The following FSHB variants were observed in gnomAD, a reference collection of about 807,000 sequenced individuals.
FSHB encodes the protein follitropin subunit beta.
Under a neutral mutation model 12.1 loss-of-function variants are expected in FSHB, and 8 were observed. The ratio of observed to expected loss-of-function variants is 0.66; its 90% CI spans 0.39 to 1.19. FSHB has a LOEUF of 1.19. Ranked by LOEUF, FSHB falls within the 50% of genes most tolerant of loss-of-function variation. The probability of loss-of-function intolerance (pLI) is 0.01; values close to 1 mark genes in which losing one functional copy is unlikely to be tolerated. For missense variants in FSHB, 153 were observed against 157.2 expected (o/e 0.97, Z 0.14); for synonymous variants, 55 against 54.6 (o/e 1.01, Z -0.04).
chr11:30,231,937 G>A lies in FSHB; in HGVS notation c.35G>A (p.Cys12Tyr). The A allele has an allele frequency of 6.2e-7, 1 of 1,613,872 alleles. No individual in the cohort carries two copies. The highest frequency in any genetic ancestry group is 8.5e-7 in the Non-Finnish European group (1 of 1,179,852). ...CTCCAGTTTTTCTTCCTTTTCTGTT[G>A]CTGGAAAGCAATCTGCTGCAATAGC... ...KTLQFFFLFCCWKAICCNSCE... is the reference protein window; with the variant it reads ...KTLQFFFLFCYWKAICCNSCE... The change falls in exon 2 of 3, where the codon TGC becomes TAC. Residue 12 changes from cysteine to tyrosine, a missense_variant. By Grantham distance (194) the Cys-to-Tyr change is radical. Coordinates refer to ENST00000533718, the MANE Select transcript of FSHB (RefSeq NM_001382289.1).
chr11:30,233,085 A>C (rs1467309442), intron 2 of FSHB, among the ~76,000 whole-genome samples: 2 of 152,200 alleles, frequency 1.3e-5, no homozygotes, highest in East Asian at 3.8e-4. Context: ...AGGAGTTGGA[A>C]TATTTAAAAT....
At position 30,233,538 on chromosome 11, in the gene FSHB, C is replaced by G. The variant is rs1852035909; in HGVS notation, c.160-32C>G. The stretch of plus-strand genomic sequence containing the variant: ...AAGCTAAATAGGAACTTCCACAATA[C>G]CATAACCTAACTCTCTTCTTAAACT... On this transcript the variant is annotated intron_variant, in intron 2 of 2. Transcript: ENST00000533718. 19 of 1,549,936 alleles carry G rather than the reference C, an allele frequency of 1.2e-5. No homozygotes were observed. In the South Asian group the frequency reaches 1.6e-4, roughly 13 times the overall value.
At chr11:30,232,757 A>C (rs535303187) in intron 2 of FSHB, among the ~76,000 whole-genome samples, 30 of 152,350 alleles carry the variant, frequency 2.0e-4, no homozygotes, top group Admixed American at 7.8e-4. Context: ...TTATCTATGC[A>C]GAATTTCATT....
intron 2 of FSHB, among the ~76,000 whole-genome samples, chr11:30,232,731 T>C (rs984826983): frequency 2.6e-5 from 4 of 152,226 alleles, no homozygotes; most frequent in African/African-American, 9.6e-5. Flanking sequence ...TTCTTTTTTC[T>C]CTGCAGCACC....
rs1852041732 is a variant in FSHB, at chr11:30,233,751, T to G, written c.341T>G (p.Val114Gly). Residue 114 changes from valine (V) to glycine (G), a missense_variant, in exon 3 of 3, where the codon GTG becomes GGG. Transcript: ENST00000533718. ...GACAGCGACAGCACTGATTGTACTG[T>G]GCGAGGCCTGGGGCCCAGCTACTGC... ...KCDSDSTDCT[V>G]RGLGPSYCSF... The G allele has an allele frequency of 6.2e-7, 1 of 1,614,038 alleles. No individual in the cohort carries two copies. Among genetic ancestry groups the G allele is most frequent in the Non-Finnish European group, 8.5e-7 (1 of 1,179,934 alleles).
intron 2 of FSHB, 52 bp from the exon 3 acceptor site, chr11:30,233,517 TA>T: frequency 7.0e-7 from 1 of 1,425,888 alleles, no homozygotes; most frequent in Non-Finnish European, 9.9e-7. Context: ...TTGACTAAGC[TA>T]AATAGGAACT....
At chr11:30,233,372 A>G (rs1852033914) in intron 2 of FSHB, among the ~76,000 whole-genome samples, 198 bp from the exon 3 acceptor site, 1 of 152,226 alleles carries the variant, frequency 6.6e-6, no homozygotes. Flanking sequence ...CATAGGAAGT[A>G]AGAAAAGAAA....
Position 30,233,868 on chromosome 11 carries a change from G to T in FSHB, c.*68G>T, listed in dbSNP as rs780936807. The T allele has an allele frequency of 7.7e-7, 1 of 1,305,578 alleles. No individual in the cohort carries two copies. 80.9% of individuals were successfully genotyped at this position (1,305,578 alleles called of 1,614,324 possible). On this transcript the variant is annotated 3_prime_UTR_variant, in exon 3 of 3. Coordinates refer to ENST00000533718, the MANE Select transcript of FSHB (RefSeq NM_001382289.1). The stretch of plus-strand genomic sequence containing the variant: ...ACCAAGATATTCAAAAAGTCTGTGT[G>T]TGTGCAATGTGCCCAGGGGACAAAC...
rs545673132 is a variant in FSHB, at chr11:30,231,517, T to C, written c.-37-349T>C. ...TCAAGAAAAGAAAAGAATTTTATTT[T>C]TCTTTTCAGACAAAAATAGACTTTA... On this transcript the variant is annotated intron_variant, in intron 1 of 2. Coordinates refer to ENST00000533718, the MANE Select transcript of FSHB (RefSeq NM_001382289.1). 1.7e-4 allele frequency among the ~76,000 whole-genome samples: 26 copies of C among 152,248 alleles called. No homozygotes were observed. In the East Asian group the frequency reaches 4.1e-3, roughly 24 times the overall value.
intron 2 of FSHB, among the ~76,000 whole-genome samples, chr11:30,232,305 A>T (rs532156698): frequency 2.7e-4 from 41 of 152,306 alleles, no homozygotes; most frequent in African/African-American, 9.1e-4. Flanking sequence ...TACTAGTCCA[A>T]CTTTGCATCT....
intron 1 of FSHB, 113 bp from the exon 2 acceptor site, chr11:30,231,753 C>A: frequency 1.3e-6 from 1 of 759,206 alleles, no homozygotes; most frequent in Non-Finnish European, 2.2e-6. Context: ...AGTAAAAAGG[C>A]ATAAGGAAGG....
At chr11:30,232,160 A>C (rs1590622435) in intron 2 of FSHB, 99 bp downstream of exon 2, 1 of 1,257,382 alleles carries the variant, frequency 8.0e-7, no homozygotes. Context: ...ATTCTAAGTA[A>C]CAGCCATGAG....
intron 1 of FSHB, among the ~76,000 whole-genome samples, 185 bp from the exon 2 acceptor site, chr11:30,231,681 C>T (rs1852008336): frequency 6.6e-6 from 1 of 152,000 alleles, no homozygotes; most frequent in Non-Finnish European, 1.5e-5. Context: ...AATATATTCC[C>T]ACCCTGACCC....
Position 30,233,548 on chromosome 11 carries a change from ACT to A in FSHB, c.160-17_160-16del. 1.3e-6 allele frequency: 2 copies of A among 1,577,984 alleles called. No homozygotes were observed. Among genetic ancestry groups the A allele is most frequent in the South Asian group, 2.2e-5 (2 of 90,364 alleles). ...GGAACTTCCACAATACCATAACCTA[ACT>A]CTCTTCTTAAACTCCTCAGGATCTG... On this transcript the variant is annotated intron_variant, in intron 2 of 2. Transcript: ENST00000533718.
intron 1 of FSHB, 60 bp downstream of exon 1, chr11:30,231,108 G>C (rs1852000077): frequency 6.6e-6 from 1 of 152,196 alleles, no homozygotes; most frequent in Admixed American, 6.5e-5. Context: ...TTACAGATTT[G>C]TCAGGACATG....
chr11:30,231,652 T>C (rs776693419), intron 1 of FSHB, among the ~76,000 whole-genome samples: 4 of 152,166 alleles, frequency 2.6e-5, no homozygotes, highest in Non-Finnish European at 5.9e-5. Context: ...TAAATCATTA[T>C]ATTGGAGTTT....
At position 30,234,051 on chromosome 11, in the gene FSHB, G is replaced by T. The variant is rs1193581219; in HGVS notation, c.*251G>T. 6 of 476,434 alleles carry T rather than the reference G, an allele frequency of 1.3e-5. No individual in the cohort carries two copies. Among genetic ancestry groups the T allele is most frequent in the Admixed American group, 6.7e-5 (2 of 29,870 alleles). 29.5% of individuals were successfully genotyped at this position (476,434 alleles called of 1,614,324 possible). A position where few individuals can be genotyped will look rare whatever the true frequency, so the allele number is the denominator to read the frequency against. Reference sequence around the variant, plus strand: ...TTATTCAGTCTTAACTCACAGACTTGTGCCTGGTTTCTTCTTTAAAAATCT... The same window carrying T: ...TTATTCAGTCTTAACTCACAGACTTTTGCCTGGTTTCTTCTTTAAAAATCT... On this transcript the variant is annotated 3_prime_UTR_variant, in exon 3 of 3. Coordinates refer to ENST00000533718, the MANE Select transcript of FSHB (RefSeq NM_001382289.1).
At chr11:30,232,882 T>C (rs1172772558) in intron 2 of FSHB, among the ~76,000 whole-genome samples, 2 of 152,206 alleles carry the variant, frequency 1.3e-5, no homozygotes, top group African/African-American at 4.8e-5. Flanking sequence ...TCTTGGGATA[T>C]ACATTTGGTA....
Position 30,233,777 on chromosome 11 carries a change from T to C in FSHB, c.367T>C (p.Ser123Pro). The change falls in exon 3 of 3, where the codon TCC becomes CCC. Residue 123 changes from serine (S) to proline (P), a missense_variant. Coordinates refer to ENST00000533718, the MANE Select transcript of FSHB (RefSeq NM_001382289.1). ...GCGAGGCCTGGGGCCCAGCTACTGC[T>C]CCTTTGGTGAAATGAAAGAATAAAG... ...TVRGLGPSYC[S>P]FGEMKE 1 of 1,613,830 alleles carries C rather than the reference T, an allele frequency of 6.2e-7. No homozygotes were observed. The highest frequency in any genetic ancestry group is 8.5e-7 in the Non-Finnish European group (1 of 1,179,814).
Sources: allele counts gnomAD v4.1 joint callset (sites outside exome capture counted in the v4.1 genomes callset), GRCh38; gene constraint gnomAD v4.1.1; transcripts MANE v1.5; gene names NCBI Gene and HGNC (gene_info 2026-07-23, HGNC 2026-07-21).